Variants in TCF25 observed in about 807,000 individuals in gnomAD.
TCF25 encodes TCF25 ribosome quality control complex subunit, also known as ribosome quality control complex subunit TCF25.
Under a neutral mutation model 83.1 loss-of-function variants are expected in TCF25, and 41 were observed. The observed-to-expected ratio is 0.49, with a 90% CI of 0.38 to 0.64. The LOEUF is 0.64. TCF25 is among the 30% of genes least tolerant of loss of function. TCF25 has a pLI of 0.00. For synonymous variants in TCF25, 458 were observed against 365.0 expected (o/e 1.25, Z -2.90); for missense variants, 979 against 914.5 (o/e 1.07, Z -0.91).
intron 9 of TCF25, among the ~76,000 whole-genome samples, chr16:89,896,410 T>G (rs929727483): frequency 6.6e-6 from 1 of 152,024 alleles, no homozygotes; most frequent in Admixed American, 6.6e-5. Context: ...TAAATGTTTG[T>G]GTTAGAAGTG....
chr16:89,888,811 T>C (rs776667023), intron 5 of TCF25, among the ~76,000 whole-genome samples: 83 of 150,446 alleles, frequency 5.5e-4, no homozygotes, highest in Middle Eastern at 3.4e-3. Context: ...GTAGCTGGGA[T>C]TGCAGGTGCA....
At chr16:89,882,753 A>C (rs1465049344) in intron 1 of TCF25, among the ~76,000 whole-genome samples, 3 of 152,042 alleles carry the variant, frequency 2.0e-5, no homozygotes, top group African/African-American at 7.2e-5. Flanking sequence ...TGCCTGGCTA[A>C]TTTTTGTGTT....
intron 13 of TCF25, chr16:89,904,589 T>C (rs925733063): frequency 8.6e-5 from 42 of 487,238 alleles, no homozygotes; most frequent in Non-Finnish European, 1.6e-4. Flanking sequence ...AAAAACAAAA[T>C]AAACAAAGAG....
intron 11 of TCF25, among the ~76,000 whole-genome samples, chr16:89,899,931 T>C (rs1339997972): frequency 6.6e-6 from 1 of 152,112 alleles, no homozygotes; most frequent in African/African-American, 2.4e-5. Flanking sequence ...TGAAAGTGGG[T>C]AAATTATTTT....
At chr16:89,899,277 T>G (rs998574520) in intron 11 of TCF25, among the ~76,000 whole-genome samples, 1 of 152,192 alleles carries the variant, frequency 6.6e-6, no homozygotes, top group African/African-American at 2.4e-5. Context: ...CCCCAGCACG[T>G]CTGTCCTGTT....
In TCF25 at chr16:89,904,951, C is replaced by T. The variant is rs770790428; in HGVS notation, c.1483C>T (p.Leu495=). The change falls in exon 14 of 18, where the codon CTG becomes TTG. Residue 495 remains leucine, a synonymous_variant. Coordinates refer to ENST00000263346, the MANE Select transcript of TCF25 (RefSeq NM_014972.3). The stretch of plus-strand genomic sequence containing the variant: ...GCTCTCCCCCAGCCAGCCCCCTGCC[C>T]TGAGCCAGCTGGTGAACCTGTACCT... ...PNAEISQPPA[L]SQLVNLYLGR... is the part of the protein sequence containing the mutation. 2 of 1,607,412 alleles carry T rather than the reference C, an allele frequency of 1.2e-6. No individual in the cohort carries two copies. Among genetic ancestry groups the T allele is most frequent in the South Asian group, 1.1e-5 (1 of 89,862 alleles).
Position 89,896,160 on chromosome 16 carries a change from G to A in TCF25, c.1022+77G>A. The A allele has an allele frequency of 2.2e-6, 3 of 1,374,972 alleles. No individual in the cohort carries two copies. The Admixed American group carries it at 5.6e-5, about 26-fold the overall frequency. The allele number at this position is 1,374,972 out of a possible 1,614,324, so 85.2% of individuals were successfully genotyped here. ...AGTGAGGCTGGGGGAGGTGCAGTGG[G>A]CACCTCATGGCTGCCCTCCAGGGTG... On this transcript the variant is annotated intron_variant, in intron 9 of 17. Coordinates refer to ENST00000263346, the MANE Select transcript of TCF25 (RefSeq NM_014972.3).
At chr16:89,903,971 G>A in intron 12 of TCF25, 147 bp from the exon 13 acceptor site, 1 of 774,472 alleles carries the variant, frequency 1.3e-6, no homozygotes, top group Non-Finnish European at 2.0e-6. Flanking sequence ...ATACCACCCG[G>A]AAGCAAGCCG....
At chr16:89,894,738 G>A (rs1363572374) in intron 7 of TCF25, among the ~76,000 whole-genome samples, 6 of 152,148 alleles carry the variant, frequency 3.9e-5, no homozygotes, top group South Asian at 2.1e-4. Flanking sequence ...GTCTCGGCCC[G>A]GGTTCAAGCG....
At chr16:89,894,096 G>T (rs2043635952) in intron 7 of TCF25, among the ~76,000 whole-genome samples, 1 of 152,196 alleles carries the variant, frequency 6.6e-6, no homozygotes, top group Non-Finnish European at 1.5e-5. Context: ...TGCTCTCTCA[G>T]CCGTTCCTGG....
chr16:89,886,755 C>A (rs1166571923), intron 4 of TCF25, among the ~76,000 whole-genome samples: 1 of 151,004 alleles, frequency 6.6e-6, no homozygotes, highest in Non-Finnish European at 1.5e-5. Context: ...AGCAAAACTC[C>A]GTCTCAAAAA....
At chr16:89,893,293 G>A (rs997200306) in intron 6 of TCF25, among the ~76,000 whole-genome samples, 6 of 152,226 alleles carry the variant, frequency 3.9e-5, no homozygotes, top group Non-Finnish European at 7.3e-5. Flanking sequence ...GGCTTCAGAG[G>A]CCTGGCGCTG....
rs2042110339 is a variant in TCF25 at position 89,875,490 on chromosome 16, C to T, written c.192+1631C>T. ...CACATCCATCTCTCTAGAGTGTCTTCACATAGATATTCCCTGACGTGAGTT... is the reference window on the plus strand; with the variant it reads ...CACATCCATCTCTCTAGAGTGTCTTTACATAGATATTCCCTGACGTGAGTT... On this transcript the variant is annotated intron_variant, in intron 1 of 17. Transcript: ENST00000263346. Among the ~76,000 whole-genome samples, 6 of 144,284 alleles carry T rather than the reference C, an allele frequency of 4.2e-5. No individual in the cohort carries two copies. In the Admixed American group the frequency reaches 4.2e-4, roughly 10 times the overall value. 94.7% of individuals were successfully genotyped at this position (144,284 alleles called of 152,430 possible).
At chr16:89,875,428 G>T (rs930049131) in intron 1 of TCF25, among the ~76,000 whole-genome samples, 5 of 150,264 alleles carry the variant, frequency 3.3e-5, no homozygotes, top group African/African-American at 1.2e-4. Context: ...TAATTTCTGC[G>T]TGCTGAAAGA....
chr16:89,894,115 G>A (rs894967836), intron 7 of TCF25, among the ~76,000 whole-genome samples: 7 of 152,310 alleles, frequency 4.6e-5, no homozygotes, highest in African/African-American at 7.2e-5. Flanking sequence ...GGGGACCGTC[G>A]CAGTAGTGCC....
At chr16:89,898,945 T>C in intron 11 of TCF25, 73 bp downstream of exon 11, 2 of 1,441,124 alleles carry the variant, frequency 1.4e-6, no homozygotes, top group South Asian at 2.3e-5. Context: ...TGGTTCAGTA[T>C]CTGTGCGCTC....
intron 2 of TCF25, chr16:89,883,736 G>C: frequency 1.9e-6 from 1 of 536,412 alleles, no homozygotes; most frequent in East Asian, 3.3e-5. Context: ...GTCTGCGCCT[G>C]CCCAGCAGTG....
intron 16 of TCF25, among the ~76,000 whole-genome samples, chr16:89,908,631 C>T (rs1314540432): frequency 4.5e-5 from 5 of 111,712 alleles, no homozygotes; most frequent in Middle Eastern, 4.2e-3. Context: ...TCCCAGCTCC[C>T]ACCTCCCACC....
chr16:89,895,647 G>A (rs757245338), intron 8 of TCF25, among the ~76,000 whole-genome samples: 7 of 152,246 alleles, frequency 4.6e-5, no homozygotes, highest in Admixed American at 2.0e-4. Context: ...GTTGACGGCC[G>A]TGTGGGCTGT....
Sources: allele counts gnomAD v4.1 joint callset (sites outside exome capture counted in the v4.1 genomes callset), GRCh38; gene constraint gnomAD v4.1.1; transcripts MANE v1.5; gene names NCBI Gene and HGNC (gene_info 2026-07-23, HGNC 2026-07-21).